The following ITPR1 variants were observed in gnomAD, a reference collection of about 807,000 sequenced individuals.
The protein encoded by ITPR1 is inositol 1,4,5-trisphosphate-gated calcium channel ITPR1.
Under a neutral mutation model 318.4 loss-of-function variants are expected in ITPR1, and 96 were observed. The ratio of observed to expected loss-of-function variants is 0.30; its 90% confidence interval spans 0.26 to 0.36. The LOEUF (loss-of-function observed/expected upper bound fraction) is 0.36, where lower values mean the gene tolerates loss of function less well. Ranked by LOEUF, ITPR1 falls within the 10% of genes least tolerant of loss-of-function variation. The pLI, the probability that ITPR1 is intolerant of heterozygous loss-of-function variation, is 1.00. For missense variants in ITPR1, 2,440 were observed against 3,460.2 expected (o/e 0.71, Z 7.40); for synonymous variants, 1,312 against 1,289.9 (o/e 1.02, Z -0.37).
intron 2 of ITPR1, among the ~76,000 whole-genome samples, chr3:4,495,636 AAAT>A (rs2080495396): frequency 6.6e-6 from 1 of 152,246 alleles, no homozygotes; most frequent in Non-Finnish European, 1.5e-5. Flanking sequence ...TGGTTGCTAA[AAAT>A]AATAAGATGG....
chr3:4,582,661 C>G (rs539210010), intron 4 of ITPR1, among the ~76,000 whole-genome samples: 1 of 152,198 alleles, frequency 6.6e-6, no homozygotes, highest in Non-Finnish European at 1.5e-5. Context: ...GACTGGACAA[C>G]GTATTCTTTC....
intron 37 of ITPR1, among the ~76,000 whole-genome samples, chr3:4,708,042 G>C (rs2094795560): frequency 6.6e-6 from 1 of 152,180 alleles, no homozygotes; most frequent in Admixed American, 6.5e-5. Context: ...GCGCTTGAAA[G>C]ATTCTGATGA....
intron 10 of ITPR1, 98 bp from the exon 11 acceptor site, chr3:4,652,025 T>G: frequency 5.4e-6 from 5 of 927,060 alleles, no homozygotes; most frequent in Non-Finnish European, 8.6e-6. Context: ...TTCTAGCTTA[T>G]AAACATCCCT....
chr3:4,609,944 C>T (rs1044070171), intron 4 of ITPR1, among the ~76,000 whole-genome samples: 8 of 152,080 alleles, frequency 5.3e-5, no homozygotes, highest in Non-Finnish European at 1.0e-4. Context: ...GGCACTGTTG[C>T]GGACTAAGGG....
chr3:4,722,745 C>T (rs1044213647), intron 40 of ITPR1, among the ~76,000 whole-genome samples: 3 of 90,298 alleles, frequency 3.3e-5, no homozygotes, highest in African/African-American at 1.0e-4. Context: ...CCTTCCATGC[C>T]TGGCCCATGG....
intron 39 of ITPR1, among the ~76,000 whole-genome samples, chr3:4,712,946 T>C (rs756897278): frequency 4.6e-5 from 7 of 152,214 alleles, no homozygotes; most frequent in Non-Finnish European, 7.3e-5. Context: ...GTAGGAATTT[T>C]GCAGAGAAAA....
At chr3:4,670,420 G>A (rs2125207940) in intron 19 of ITPR1, among the ~76,000 whole-genome samples, 1 of 152,286 alleles carries the variant, frequency 6.6e-6, no homozygotes, top group Admixed American at 6.5e-5. Flanking sequence ...GCTAGGCACT[G>A]TAAAATGTTC....
At position 4,725,399 on chromosome 3, in the gene ITPR1, G is replaced by C. The variant is rs983514488; in HGVS notation, c.5137-147G>C. 7.2e-6 allele frequency: 5 copies of C among 692,602 alleles called. No individual in the cohort carries two copies. In the African/African-American group the frequency reaches 8.9e-5, roughly 12 times the overall value. 42.9% of individuals were successfully genotyped at this position (692,602 alleles called of 1,614,324 possible). Reference sequence around the variant, plus strand: ...GTATCTGGTCACCTTGATTGCTGAAGCCCACTTCGGCAGGTGATCCAGCAG... The same window carrying C: ...GTATCTGGTCACCTTGATTGCTGAACCCCACTTCGGCAGGTGATCCAGCAG... On this transcript the variant is annotated intron_variant, in intron 40 of 61. Transcript: ENST00000649015.
intron 60 of ITPR1, among the ~76,000 whole-genome samples, chr3:4,835,330 A>G (rs1335668133): frequency 2.0e-5 from 3 of 152,166 alleles, no homozygotes; most frequent in South Asian, 2.1e-4. Context: ...GATGCCTTCT[A>G]TTGTATACAG....
chr3:4,538,634 G>A (rs777718473), intron 4 of ITPR1, among the ~76,000 whole-genome samples: 29 of 152,262 alleles, frequency 1.9e-4, no homozygotes, highest in Non-Finnish European at 2.4e-4. Context: ...TAGCAAAGGC[G>A]TGGAATCAAC....
At chr3:4,800,140 G>C (rs1244064476) in intron 53 of ITPR1, 2 of 428,466 alleles carry the variant, frequency 4.7e-6, no homozygotes, top group Non-Finnish European at 8.3e-6. Flanking sequence ...TTTGTGGGGA[G>C]GAAGGGGATT....
chr3:4,639,563 T>G (rs2093287767), intron 6 of ITPR1, 93 bp downstream of exon 6: 2 of 910,764 alleles, frequency 2.2e-6, no homozygotes, highest in East Asian at 5.3e-5. Context: ...TGGACACCTT[T>G]ACAGCAGGAC....
chr3:4,658,396 G>C (rs1256227266), intron 13 of ITPR1, 118 bp downstream of exon 13: 2 of 919,882 alleles, frequency 2.2e-6, no homozygotes, highest in African/African-American at 3.4e-5. Context: ...AAAGGATTTG[G>C]TGAAAGGTTT....
At position 4,740,802 on chromosome 3, in the gene ITPR1, C is replaced by T. The variant is rs528180302; in HGVS notation, c.5544+5448C>T. Among the ~76,000 whole-genome samples, 19 of 152,258 alleles carry T rather than the reference C, an allele frequency of 1.2e-4. No homozygotes were observed. The East Asian group carries it at 2.5e-3, about 20-fold the overall frequency. ...GGAACAAGGAGACAGTACCACAGCCCGTGGATTTTCCAGAAACGGGTGACA... is the reference window on the plus strand; with the variant it reads ...GGAACAAGGAGACAGTACCACAGCCTGTGGATTTTCCAGAAACGGGTGACA... On this transcript the variant is annotated intron_variant, in intron 44 of 61. Transcript: ENST00000649015.
chr3:4,815,568 G>A lies in ITPR1; in HGVS notation c.7867+350G>A, dbSNP rs115082342. Among the ~76,000 whole-genome samples the A allele has an allele frequency of 3.0e-3, 462 of 152,174 alleles. 4 individuals are homozygous for A. Among genetic ancestry groups the A allele is most frequent in the African/African-American group, 9.6e-3 (397 of 41,520 alleles). On this transcript the variant is annotated intron_variant, in intron 59 of 61. Transcript: ENST00000649015. ...TATTGTGAGAATTATGAGAGACAGCGTATGTAACACTCCTAGCTAGAACCT... is the reference window on the plus strand; with the variant it reads ...TATTGTGAGAATTATGAGAGACAGCATATGTAACACTCCTAGCTAGAACCT...
intron 4 of ITPR1, among the ~76,000 whole-genome samples, chr3:4,546,449 G>C (rs1482107054): frequency 6.6e-6 from 1 of 152,164 alleles, no homozygotes; most frequent in African/African-American, 2.4e-5. Flanking sequence ...CTAGCCAGAG[G>C]TAGAGCCAAG....
intron 46 of ITPR1, among the ~76,000 whole-genome samples, chr3:4,771,323 C>T (rs966522586): frequency 1.3e-5 from 2 of 152,198 alleles, no homozygotes; most frequent in Admixed American, 6.5e-5. Context: ...GAGGTGGCAT[C>T]TGCTGAGTTC....
intron 53 of ITPR1, 57 bp downstream of exon 53, chr3:4,795,244 T>G: frequency 6.4e-7 from 1 of 1,560,178 alleles, no homozygotes; most frequent in Non-Finnish European, 8.7e-7. Flanking sequence ...GGCTAGGACT[T>G]GCATCTCAGT....
intron 4 of ITPR1, among the ~76,000 whole-genome samples, chr3:4,567,572 G>T (rs566180672): frequency 3.3e-5 from 5 of 151,524 alleles, no homozygotes; most frequent in Non-Finnish European, 5.9e-5. Flanking sequence ...GGGTCATGGA[G>T]GGCTTTATAG....
Sources: gnomAD v4.1 joint callset for allele counts (sites outside exome capture counted in the v4.1 genomes callset) on GRCh38, gnomAD v4.1.1 for gene constraint, MANE v1.5 for transcripts, NCBI Gene and HGNC (gene_info 2026-07-23, HGNC 2026-07-21) for gene names.